Variants in MAPDA observed in about 807,000 individuals in gnomAD.
MAPDA encodes the protein N6-Methyl-AMP deaminase.
At chr15:43,332,734 AT>A in the MAPDA span, among the ~76,000 whole-genome samples, 6 of 151,738 alleles carry the variant, frequency 4.0e-5, no homozygotes, top group African/African-American at 1.5e-4. Flanking sequence ...ACAGTAACAA[AT>A]TTTTTTTTAT....
the MAPDA span, among the ~76,000 whole-genome samples, chr15:43,340,677 GC>G: frequency 6.6e-6 from 1 of 152,112 alleles, no homozygotes; most frequent in African/African-American, 2.4e-5. Flanking sequence ...GAGCCACCGT[GC>G]CCATCCTGAT....
chr15:43,339,276 A>G, the MAPDA span, among the ~76,000 whole-genome samples: 4 of 152,346 alleles, frequency 2.6e-5, no homozygotes, highest in South Asian at 2.1e-4. Flanking sequence ...CAGATGTATT[A>G]TCTTTGGCTG....
chr15:43,336,110 C>T, the MAPDA span, among the ~76,000 whole-genome samples: 3 of 152,158 alleles, frequency 2.0e-5, no homozygotes, highest in African/African-American at 7.2e-5. Context: ...GGCGTGACCA[C>T]AGATCACTGC....
chr15:43,337,206 G>T, the MAPDA span, among the ~76,000 whole-genome samples: 2 of 151,094 alleles, frequency 1.3e-5, no homozygotes, highest in African/African-American at 2.4e-5. Context: ...AACCCGGGAG[G>T]TGGAGCTTGC....
At chr15:43,351,002 C>T in the MAPDA span, 148 of 1,551,606 alleles carry the variant, frequency 9.5e-5, no homozygotes, top group African/African-American at 3.8e-4. Flanking sequence ...AGCACCATTT[C>T]GGATTCTGGT....
At chr15:43,340,334 A>C in the MAPDA span, 33 of 1,614,042 alleles carry the variant, frequency 2.0e-5, no homozygotes, top group Non-Finnish European at 2.8e-5. Context: ...GAGCACACCC[A>C]GAAGAGAAAA....
the MAPDA span, among the ~76,000 whole-genome samples, chr15:43,341,990 C>T: frequency 6.6e-6 from 1 of 151,996 alleles, no homozygotes; most frequent in African/African-American, 2.4e-5. Flanking sequence ...AGGCACATGC[C>T]ACCACACTTG....
At chr15:43,338,842 C>T in the MAPDA span, among the ~76,000 whole-genome samples, 9 of 152,148 alleles carry the variant, frequency 5.9e-5, no homozygotes, top group African/African-American at 1.9e-4. Context: ...AATCTTCCTC[C>T]CTTTGTTCTT....
the MAPDA span, chr15:43,335,171 G>A: frequency 6.2e-7 from 1 of 1,613,400 alleles, no homozygotes. Context: ...GCCAAAAGTG[G>A]TGAGAATTCA....
At chr15:43,349,435 A>T in the MAPDA span, 1 of 732,650 alleles carries the variant, frequency 1.4e-6, no homozygotes, top group Admixed American at 5.3e-5. Context: ...ATGTCTGTTG[A>T]TCATTACACA....
At chr15:43,351,323 T>C in the MAPDA span, 2 of 298,820 alleles carry the variant, frequency 6.7e-6, no homozygotes, top group Non-Finnish European at 1.2e-5. Flanking sequence ...TGAAACTCCA[T>C]CTCACAAAGC....
At chr15:43,347,088 C>G in the MAPDA span, 1 of 1,612,376 alleles carries the variant, frequency 6.2e-7, no homozygotes, top group African/African-American at 1.3e-5. Context: ...AGCATTGCAT[C>G]TTTCAGAGGT....
the MAPDA span, chr15:43,335,668 G>T: frequency 6.3e-7 from 1 of 1,577,710 alleles, no homozygotes; most frequent in Admixed American, 2.0e-5. Context: ...TTGGATATTT[G>T]ATAAGTTTTA....
chr15:43,342,971 T>C, the MAPDA span: 1 of 1,500,704 alleles, frequency 6.7e-7, no homozygotes, highest in Non-Finnish European at 9.1e-7. Flanking sequence ...TCTTTACATG[T>C]ATTTTCTATG....
At chr15:43,347,119 A>G in the MAPDA span, 2 of 1,577,710 alleles carry the variant, frequency 1.3e-6, no homozygotes, top group Non-Finnish European at 1.7e-6. Context: ...GTCTTAGGCT[A>G]GAAGGGACAG....
chr15:43,345,763 CGTA>C, the MAPDA span: 1 of 1,475,612 alleles, frequency 6.8e-7, no homozygotes, highest in South Asian at 1.2e-5. Context: ...ATGTATTACA[CGTA>C]GTCTGCCATC....
chr15:43,345,863 A>T, the MAPDA span: 1 of 1,614,074 alleles, frequency 6.2e-7, no homozygotes, highest in East Asian at 2.2e-5. Context: ...GGTATTTGAT[A>T]GCAGTTGACA....
chr15:43,349,690 G>T, the MAPDA span, among the ~76,000 whole-genome samples: 1 of 152,174 alleles, frequency 6.6e-6, no homozygotes, highest in Admixed American at 6.5e-5. Flanking sequence ...AGGAAAAAGT[G>T]GTTGGCTGCA....
chr15:43,342,816 T>C, the MAPDA span, among the ~76,000 whole-genome samples: 495 of 152,288 alleles, frequency 3.3e-3, 2 homozygotes, highest in Non-Finnish European at 5.7e-3. Flanking sequence ...CTAATTTTAT[T>C]AAAATATAAT....
Sources: gnomAD v4.1 joint callset for allele counts (sites outside exome capture counted in the v4.1 genomes callset) on GRCh38, gnomAD v4.1.1 for gene constraint, MANE v1.5 for transcripts, NCBI Gene and HGNC (gene_info 2026-07-23, HGNC 2026-07-21) for gene names.